CLSTN2: variants seen among roughly 807,000 people sequenced by gnomAD.
The protein encoded by CLSTN2 is calsyntenin 2.
CLSTN2 carries 48 observed loss-of-function variants against 101.2 expected under a neutral mutation model. That is an observed-to-expected ratio of 0.47 (90% confidence interval 0.38 to 0.60). The LOEUF is 0.60. Among genes scored for constraint, CLSTN2 ranks in the 20% least tolerant of loss-of-function variants. The probability of loss-of-function intolerance (pLI) is 0.00; values close to 1 mark genes in which losing one functional copy is unlikely to be tolerated. For missense variants in CLSTN2, 1,160 were observed against 1,238.2 expected (o/e 0.94, Z 0.95); for synonymous variants, 481 against 463.6 (o/e 1.04, Z -0.48).
chr3:140,490,139 C>CTGT (rs1934325079), intron 8 of CLSTN2, among the ~76,000 whole-genome samples: 6 of 104,552 alleles, frequency 5.7e-5, no homozygotes, highest in African/African-American at 3.1e-4. Flanking sequence ...CACACACACA[C>CTGT]ACACACACAC....
At position 140,312,393 on chromosome 3, in the gene CLSTN2, G is replaced by A. The variant is rs146901994; in HGVS notation, c.233-91236G>A. Among the ~76,000 whole-genome samples the A allele has an allele frequency of 2.0e-4, 31 of 152,278 alleles. No homozygotes were observed. In the East Asian group the frequency reaches 5.4e-3, roughly 27 times the overall value. On this transcript the variant is annotated intron_variant, in intron 2 of 16. Coordinates refer to ENST00000458420, the MANE Select transcript of CLSTN2 (RefSeq NM_022131.3). ...GCCCTTGACCTGCTCTATCATTATC[G>A]CATCTGAGGAATCTTTTTTCTCTTC...
chr3:140,136,771 T>C (rs376520733), intron 1 of CLSTN2, among the ~76,000 whole-genome samples: 3 of 152,198 alleles, frequency 2.0e-5, no homozygotes, highest in African/African-American at 7.2e-5. Context: ...AGCATTGTCC[T>C]GGCAGGGAGC....
intron 2 of CLSTN2, among the ~76,000 whole-genome samples, chr3:140,203,207 TAAGTC>T (rs1193547905): frequency 3.3e-5 from 5 of 152,202 alleles, no homozygotes; most frequent in Admixed American, 6.5e-5. Flanking sequence ...GTGCTGCTGC[TAAGTC>T]AAGTAAGATT....
At chr3:140,347,628 T>C (rs1240404941) in intron 2 of CLSTN2, among the ~76,000 whole-genome samples, 1 of 152,194 alleles carries the variant, frequency 6.6e-6, no homozygotes, top group Non-Finnish European at 1.5e-5. Flanking sequence ...AAATATACTT[T>C]CACAATCTCC....
At chr3:140,084,786 A>G (rs2008653799) in intron 1 of CLSTN2, among the ~76,000 whole-genome samples, 1 of 152,172 alleles carries the variant, frequency 6.6e-6, no homozygotes, top group Admixed American at 6.5e-5. Flanking sequence ...TCTCCTTTCC[A>G]GCATCTGCAA....
At chr3:140,305,562 G>T (rs1031227553) in intron 2 of CLSTN2, among the ~76,000 whole-genome samples, 2 of 152,138 alleles carry the variant, frequency 1.3e-5, no homozygotes, top group African/African-American at 4.8e-5. Context: ...CAGGGACTTT[G>T]GTACCAAGAA....
At chr3:140,532,531 T>C in intron 9 of CLSTN2, 45 bp downstream of exon 9, 1 of 1,523,266 alleles carries the variant, frequency 6.6e-7, no homozygotes, top group Non-Finnish European at 8.9e-7. Flanking sequence ...TTGTGAATAG[T>C]TCTTGGAAGA....
chr3:140,071,113 T>G (rs1243948017), intron 1 of CLSTN2, among the ~76,000 whole-genome samples: 1 of 152,084 alleles, frequency 6.6e-6, no homozygotes, highest in African/African-American at 2.4e-5. Context: ...AACAGAAAAG[T>G]GCAGAAATAG....
intron 2 of CLSTN2, among the ~76,000 whole-genome samples, chr3:140,393,875 A>C (rs1159574215): frequency 1.3e-5 from 2 of 152,178 alleles, no homozygotes; most frequent in Non-Finnish European, 2.9e-5. Context: ...CAAATATTAA[A>C]AATTTAGATA....
intron 9 of CLSTN2, among the ~76,000 whole-genome samples, chr3:140,539,701 TGTTCTCACTTA>T (rs1443323210): frequency 2.0e-5 from 3 of 152,194 alleles, no homozygotes; most frequent in African/African-American, 7.2e-5. Context: ...ATCTTACATG[TGTTCTCACTTA>T]GTCCTCACAA....
intron 2 of CLSTN2, among the ~76,000 whole-genome samples, chr3:140,378,803 G>T (rs1576540378): frequency 1.3e-5 from 2 of 152,302 alleles, no homozygotes; most frequent in South Asian, 4.1e-4. Context: ...CTAAAATGTG[G>T]TAAAAATAGC....
Position 140,562,857 on chromosome 3 carries a change from C to T in CLSTN2, c.2259C>T (p.Arg753=). 6.2e-7 allele frequency: 1 copy of T among 1,614,168 alleles called. No individual in the cohort carries two copies. The highest frequency in any genetic ancestry group is 8.5e-7 in the Non-Finnish European group (1 of 1,180,020). ...ATGAGCAGGTGCTACATCACATCCGCTACCGCAACTGGCGTCCGGCTTCCC... is the reference window on the plus strand; with the variant it reads ...ATGAGCAGGTGCTACATCACATCCGTTACCGCAACTGGCGTCCGGCTTCCC... ...SRYEQVLHHI[R]YRNWRPASLE... is the part of the protein sequence containing the mutation. Residue 753 remains arginine (R), a synonymous_variant, in exon 14 of 17, where the codon CGC becomes CGT. Coordinates refer to ENST00000458420, the MANE Select transcript of CLSTN2 (RefSeq NM_022131.3).
chr3:140,528,858 T>G (rs1236755594), intron 8 of CLSTN2, among the ~76,000 whole-genome samples: 3 of 152,224 alleles, frequency 2.0e-5, no homozygotes, highest in Admixed American at 6.5e-5. Context: ...TTTGAAGATT[T>G]TGTGTACTTG....
chr3:140,262,879 C>A (rs143140571), intron 2 of CLSTN2, among the ~76,000 whole-genome samples: 1 of 152,084 alleles, frequency 6.6e-6, no homozygotes, highest in African/African-American at 2.4e-5. Flanking sequence ...AAGCCAGGAC[C>A]GGACCTCTTC....
chr3:140,240,283 CATAT>C (rs1198018534), intron 2 of CLSTN2, among the ~76,000 whole-genome samples: 1 of 25,372 alleles, frequency 3.9e-5, no homozygotes, highest in African/African-American at 8.7e-5. Context: ...CACATATATA[CATAT>C]ATACACATAT....
At chr3:140,551,742 A>G (rs894484472) in intron 10 of CLSTN2, among the ~76,000 whole-genome samples, 76 of 151,672 alleles carry the variant, frequency 5.0e-4, no homozygotes, top group African/African-American at 1.8e-3. Flanking sequence ...TATAAAATAA[A>G]TTGATATTAT....
At chr3:140,190,133 A>T (rs2010538980) in intron 2 of CLSTN2, among the ~76,000 whole-genome samples, 1 of 152,164 alleles carries the variant, frequency 6.6e-6, no homozygotes, top group Admixed American at 6.5e-5. Flanking sequence ...ATGACCTCCC[A>T]AAGGCCCCAC....
In CLSTN2 at chr3:140,576,047, C is replaced by T. The variant is rs1985722274; in HGVS notation, c.*9794C>T. The T allele has an allele frequency of 6.6e-6, 1 of 152,168 alleles. No individual in the cohort carries two copies. The highest frequency in any genetic ancestry group is 2.4e-5 in the African/African-American group (1 of 41,424). The allele number at this position is 152,168 out of a possible 1,614,324, so 9.4% of individuals were successfully genotyped here. A position where few individuals can be genotyped will look rare whatever the true frequency, so the allele number is the denominator to read the frequency against. ...AAACATTTGGAAATTGAAGACCCAG[C>T]TTATCACTCCTTCATAGAGACTCAG... On this transcript the variant is annotated 3_prime_UTR_variant, in exon 17 of 17. Coordinates refer to ENST00000458420, the MANE Select transcript of CLSTN2 (RefSeq NM_022131.3).
At chr3:140,310,616 C>T (rs2087158772) in intron 2 of CLSTN2, among the ~76,000 whole-genome samples, 1 of 152,200 alleles carries the variant, frequency 6.6e-6, no homozygotes, top group Non-Finnish European at 1.5e-5. Context: ...GGTTTGTTTA[C>T]AGGTCTCCCT....
Sources: allele counts gnomAD v4.1 joint callset (sites outside exome capture counted in the v4.1 genomes callset), GRCh38; gene constraint gnomAD v4.1.1; transcripts MANE v1.5; gene names NCBI Gene and HGNC (gene_info 2026-07-23, HGNC 2026-07-21).